Variants in TMEM132B observed in about 807,000 individuals in gnomAD.
TMEM132B encodes transmembrane protein 132B.
In TMEM132B, 18 loss-of-function variants were observed where a neutral mutation model predicts 90.8. The ratio of observed to expected loss-of-function variants is 0.20; its 90% CI spans 0.14 to 0.29. The LOEUF is 0.29. Ranked by LOEUF, TMEM132B falls within the 10% of genes least tolerant of loss-of-function variation. The probability of loss-of-function intolerance (pLI) is 1.00; values close to 1 mark genes in which losing one functional copy is unlikely to be tolerated. For synonymous variants in TMEM132B, 504 were observed against 523.3 expected (o/e 0.96, Z 0.50); for missense variants, 1,096 against 1,326.8 (o/e 0.83, Z 2.70).
intron 5 of TMEM132B, chr12:125,584,861 C>A (rs1885142482): frequency 6.6e-6 from 1 of 152,194 alleles, no homozygotes; most frequent in South Asian, 2.1e-4. Flanking sequence ...AATGACTGAT[C>A]CTTCCTCCTT....
chr12:125,236,045 C>G (rs935755428), intron 1 of TMEM132B, among the ~76,000 whole-genome samples: 1 of 152,074 alleles, frequency 6.6e-6, no homozygotes, highest in South Asian at 2.1e-4. Context: ...TCAAGTGATC[C>G]GCCCACCTTA....
chr12:125,265,225 A>G (rs1401558104), intron 1 of TMEM132B, among the ~76,000 whole-genome samples: 2 of 152,186 alleles, frequency 1.3e-5, no homozygotes, highest in African/African-American at 4.8e-5. Flanking sequence ...TAGATATAGT[A>G]TTCCCCGCTT....
chr12:125,209,142 A>C lies in TMEM132B; in HGVS notation c.67+22276A>C, dbSNP rs1045712612. On this transcript the variant is annotated intron_variant, in intron 1 of 8. Coordinates refer to ENST00000682704, the MANE Select transcript of TMEM132B (RefSeq NM_001366854.1). This position sits in a 1 kb window ranked among gnomAD's most constrained non-coding sequence, Gnocchi z 4.4. ...GGCTCTTGCCTGGGAAGCGGGAGCC[A>C]GCAGGTGGTGGTGAGAGGCTTGGGG... Among the ~76,000 whole-genome samples, 1 of 152,246 alleles carries C rather than the reference A, an allele frequency of 6.6e-6. No individual in the cohort carries two copies. The highest frequency in any genetic ancestry group is 2.4e-5 in the African/African-American group (1 of 41,464).
At chr12:125,379,778 C>T (rs1593113647) in intron 2 of TMEM132B, among the ~76,000 whole-genome samples, 2 of 152,302 alleles carry the variant, frequency 1.3e-5, no homozygotes, top group African/African-American at 4.8e-5. Context: ...ATTACATGTC[C>T]TGTGGAGTAA....
intron 4 of TMEM132B, among the ~76,000 whole-genome samples, chr12:125,555,743 A>G (rs1460002095): frequency 6.6e-6 from 1 of 151,910 alleles, no homozygotes; most frequent in Non-Finnish European, 1.5e-5. Context: ...TATAAAAAGA[A>G]AAGAGTCATT....
At chr12:125,242,452 A>G (rs1484956248) in intron 1 of TMEM132B, among the ~76,000 whole-genome samples, 1 of 152,228 alleles carries the variant, frequency 6.6e-6, no homozygotes, top group Non-Finnish European at 1.5e-5. Flanking sequence ...TGAGGCCCAG[A>G]GAGGTTGAGT....
chr12:125,328,443 T>C (rs1166700751), intron 1 of TMEM132B, among the ~76,000 whole-genome samples: 1 of 152,188 alleles, frequency 6.6e-6, no homozygotes, highest in Non-Finnish European at 1.5e-5. Flanking sequence ...ATCATACGTT[T>C]ATTCTCTTTT....
intron 5 of TMEM132B, among the ~76,000 whole-genome samples, chr12:125,599,475 A>T (rs917250060): frequency 1.2e-4 from 19 of 152,150 alleles, no homozygotes; most frequent in Non-Finnish European, 2.5e-4. Flanking sequence ...AGCCAGCTTA[A>T]CATAAATCTG....
At chr12:125,563,747 T>C (rs1357909958) in intron 4 of TMEM132B, among the ~76,000 whole-genome samples, 1 of 151,770 alleles carries the variant, frequency 6.6e-6, no homozygotes, top group East Asian at 1.9e-4. Context: ...GATGTTCTTA[T>C]CAGAAAAAAG....
chr12:125,504,627 T>C (rs931424795), intron 3 of TMEM132B, among the ~76,000 whole-genome samples: 5 of 152,174 alleles, frequency 3.3e-5, no homozygotes, highest in African/African-American at 1.2e-4. Context: ...ACTGCTACAA[T>C]GCTAATATTC....
At chr12:125,535,966 C>T (rs1260979600) in intron 4 of TMEM132B, among the ~76,000 whole-genome samples, 2 of 152,202 alleles carry the variant, frequency 1.3e-5, no homozygotes, top group African/African-American at 4.8e-5. Flanking sequence ...ACTTCTGTGA[C>T]TGTGTCTTGT....
At chr12:125,650,314 T>C (rs991680768) in intron 6 of TMEM132B, among the ~76,000 whole-genome samples, 12 of 152,072 alleles carry the variant, frequency 7.9e-5, no homozygotes, top group African/African-American at 2.9e-4. Context: ...TGAGGTCCAA[T>C]GGGAGGGGTC....
chr12:125,562,217 T>G (rs1316963762), intron 4 of TMEM132B, among the ~76,000 whole-genome samples: 1 of 152,224 alleles, frequency 6.6e-6, no homozygotes, highest in Non-Finnish European at 1.5e-5. Context: ...TGCAGCTTCC[T>G]CACCTCTCTA....
intron 3 of TMEM132B, among the ~76,000 whole-genome samples, chr12:125,465,465 T>A (rs1881538892): frequency 6.6e-6 from 1 of 152,210 alleles, no homozygotes; most frequent in Non-Finnish European, 1.5e-5. Context: ...GTCTACCTGG[T>A]ATCTAGAAAT....
intron 5 of TMEM132B, among the ~76,000 whole-genome samples, chr12:125,597,371 C>G (rs1303178294): frequency 6.6e-6 from 1 of 152,166 alleles, no homozygotes; most frequent in Non-Finnish European, 1.5e-5. Context: ...CTTAATGTGC[C>G]TGGCTTCAGG....
At chr12:125,647,227 A>G (rs1288915794) in intron 6 of TMEM132B, among the ~76,000 whole-genome samples, 1 of 152,224 alleles carries the variant, frequency 6.6e-6, no homozygotes, top group African/African-American at 2.4e-5. Flanking sequence ...GACCATAACA[A>G]AAGATCTAGG....
intron 2 of TMEM132B, among the ~76,000 whole-genome samples, chr12:125,392,864 T>C (rs1168313661): frequency 6.6e-6 from 1 of 152,210 alleles, no homozygotes; most frequent in African/African-American, 2.4e-5. Flanking sequence ...AGTATTCAAG[T>C]GGCAATTGGA....
chr12:125,570,707 T>A (rs1884770249), intron 4 of TMEM132B, among the ~76,000 whole-genome samples: 1 of 152,226 alleles, frequency 6.6e-6, no homozygotes, highest in African/African-American at 2.4e-5. Flanking sequence ...ACAGTGGGAT[T>A]GAAAAATCAG....
intron 4 of TMEM132B, among the ~76,000 whole-genome samples, chr12:125,580,919 CAG>C (rs1229741990): frequency 1.3e-5 from 2 of 152,128 alleles, no homozygotes; most frequent in East Asian, 1.9e-4. Flanking sequence ...TCTCTGGGAT[CAG>C]GGGACGATTT....
Sources: gnomAD v4.1 joint callset for allele counts (sites outside exome capture counted in the v4.1 genomes callset) on GRCh38, gnomAD v4.1.1 for gene constraint, Gnocchi (gnomAD v3.1) non-coding constraint, MANE v1.5 for transcripts, NCBI Gene and HGNC (gene_info 2026-07-23, HGNC 2026-07-21) for gene names.